The following GARNL3 variants were observed in gnomAD, a reference collection of about 807,000 sequenced individuals.
GARNL3 encodes the protein GTPase-activating Rap/Ran-GAP domain-like protein 3.
A neutral mutation model predicts 125.0 loss-of-function variants in GARNL3; 63 were observed. The observed-to-expected ratio is 0.50, with a 90% confidence interval of 0.41 to 0.62. The LOEUF is 0.62. Ranked by LOEUF, GARNL3 falls within the 20% of genes least tolerant of loss-of-function variation. The pLI is 0.00. For synonymous variants in GARNL3, 439 were observed against 457.5 expected (o/e 0.96, Z 0.52); for missense variants, 994 against 1,244.0 (o/e 0.80, Z 3.02).
intron 2 of GARNL3, among the ~76,000 whole-genome samples, chr9:127,251,003 G>A (rs758403132): frequency 2.0e-5 from 3 of 152,000 alleles, no homozygotes; most frequent in Non-Finnish European, 2.9e-5. Context: ...TACAGTTTTC[G>A]GGTCTTTCAA....
chr9:127,243,642 C>G (rs1221461404), intron 2 of GARNL3, among the ~76,000 whole-genome samples: 1 of 152,168 alleles, frequency 6.6e-6, no homozygotes, highest in Non-Finnish European at 1.5e-5. Context: ...CAGCAACCTA[C>G]TGGGGATATT....
At chr9:127,231,221 ATTTTTTGT>A (rs1291580466) in intron 1 of GARNL3, among the ~76,000 whole-genome samples, 3 of 66,092 alleles carry the variant, frequency 4.5e-5, no homozygotes, top group African/African-American at 1.6e-4. Context: ...CGCCCAGCTA[ATTTTTTGT>A]TTTTTTTTTT....
At chr9:127,235,484 T>G (rs1537358) in intron 1 of GARNL3, among the ~76,000 whole-genome samples, 116,751 of 151,946 alleles carry the variant, frequency 0.77, 45,236 homozygotes, top group African/African-American at 0.85. Context: ...TTTATTAGTC[T>G]GAAAGGTAAC....
chr9:127,241,825 T>G (rs980973630), intron 1 of GARNL3, among the ~76,000 whole-genome samples: 1 of 152,184 alleles, frequency 6.6e-6, no homozygotes, highest in African/African-American at 2.4e-5. Flanking sequence ...TGAAGTGCAG[T>G]GGTGCAATCT....
chr9:127,332,479 A>G (rs548707653), intron 8 of GARNL3, 130 bp downstream of exon 8: 1 of 736,278 alleles, frequency 1.4e-6, no homozygotes, highest in East Asian at 2.5e-5. Context: ...ACACAATTTC[A>G]GCGTGAATTT....
At chr9:127,313,397 C>G in intron 3 of GARNL3, 44 bp from the exon 4 acceptor site, 3 of 1,354,438 alleles carry the variant, frequency 2.2e-6, no homozygotes, top group Non-Finnish European at 3.2e-6. Context: ...CTGTGGCTGG[C>G]AGGATCAGTT....
chr9:127,376,239 C>T (rs541945397), intron 22 of GARNL3, among the ~76,000 whole-genome samples: 3 of 152,180 alleles, frequency 2.0e-5, no homozygotes, highest in Non-Finnish European at 4.4e-5. Context: ...GGATTAGAGG[C>T]GTGAGCCACT....
intron 1 of GARNL3, among the ~76,000 whole-genome samples, chr9:127,237,751 T>C (rs532200288): frequency 6.6e-6 from 1 of 152,208 alleles, no homozygotes. Context: ...GAGGTAGACT[T>C]TCCAACCATA....
At chr9:127,268,883 A>G (rs1453821916) in intron 1 of GARNL3, among the ~76,000 whole-genome samples, 1 of 152,178 alleles carries the variant, frequency 6.6e-6, no homozygotes, top group Non-Finnish European at 1.5e-5. Context: ...TTCTCTTAGC[A>G]TGTTTTCAGG....
chr9:127,358,036 A>G (rs1011536710), intron 21 of GARNL3, among the ~76,000 whole-genome samples: 2 of 151,610 alleles, frequency 1.3e-5, no homozygotes, highest in African/African-American at 4.9e-5. Flanking sequence ...ATTTGCCCTG[A>G]GAGTCTACAC....
intron 15 of GARNL3, among the ~76,000 whole-genome samples, chr9:127,345,192 A>C (rs1368593731): frequency 6.6e-6 from 1 of 152,186 alleles, no homozygotes; most frequent in African/African-American, 2.4e-5. Flanking sequence ...GAAATGATAA[A>C]ATGCATTTGG....
chr9:127,299,854 C>T (rs1400589303), intron 2 of GARNL3, among the ~76,000 whole-genome samples: 5 of 152,236 alleles, frequency 3.3e-5, no homozygotes, highest in South Asian at 2.1e-4. Context: ...TGTGAGCCAC[C>T]GTGCCCAGCC....
chr9:127,285,282 T>G (rs1371439727), intron 1 of GARNL3, among the ~76,000 whole-genome samples: 2 of 152,066 alleles, frequency 1.3e-5, no homozygotes, highest in Non-Finnish European at 2.9e-5. Context: ...AAATACAAAA[T>G]TAGCTGGGCA....
upstream of GARNL3, chr9:127,264,123 A>G (rs2063650900): frequency 1.6e-6 from 1 of 613,174 alleles, no homozygotes; most frequent in East Asian, 3.0e-5. Context: ...TATTAGAATC[A>G]AACTTATTAA....
intron 2 of GARNL3, among the ~76,000 whole-genome samples, chr9:127,293,431 T>A (rs2131378807): frequency 6.6e-6 from 1 of 152,342 alleles, no homozygotes; most frequent in Middle Eastern, 3.4e-3. Flanking sequence ...TTCTTGGTTG[T>A]GTCCTTTGAA....
chr9:127,286,807 C>T (rs959867912), intron 1 of GARNL3, among the ~76,000 whole-genome samples: 24 of 152,310 alleles, frequency 1.6e-4, no homozygotes, highest in African/African-American at 5.8e-4. Flanking sequence ...ATCAACTTAT[C>T]ATAGGATCAA....
intron 2 of GARNL3, among the ~76,000 whole-genome samples, chr9:127,243,855 G>C (rs927889620): frequency 6.6e-6 from 1 of 152,086 alleles, no homozygotes; most frequent in East Asian, 1.9e-4. Context: ...GATAATACTC[G>C]GATGAATGAA....
chr9:127,335,383 G>A (rs1326544921), intron 10 of GARNL3, 50 bp downstream of exon 10: 3 of 1,348,742 alleles, frequency 2.2e-6, no homozygotes, highest in East Asian at 4.6e-5. Flanking sequence ...TGTGGAGAGG[G>A]CACCATTATG....
intron 2 of GARNL3, among the ~76,000 whole-genome samples, chr9:127,306,595 C>T (rs1344441319): frequency 6.6e-6 from 1 of 152,102 alleles, no homozygotes; most frequent in African/African-American, 2.4e-5. Flanking sequence ...GGCGTGGTGG[C>T]AGGCGCCTGT....
Sources: gnomAD v4.1 joint callset for allele counts (sites outside exome capture counted in the v4.1 genomes callset) on GRCh38, gnomAD v4.1.1 for gene constraint, MANE v1.5 for transcripts, NCBI Gene and HGNC (gene_info 2026-07-23, HGNC 2026-07-21) for gene names.